The following DPP6 variants were observed in gnomAD, a reference collection of about 807,000 sequenced individuals.
DPP6 encodes A-type potassium channel modulatory protein DPP6.
A neutral mutation model predicts 122.6 loss-of-function variants in DPP6; 69 were observed. The observed-to-expected ratio is 0.56, with a 90% confidence interval of 0.46 to 0.69. DPP6 has a LOEUF of 0.69. Among genes scored for constraint, DPP6 ranks in the 30% least tolerant of loss-of-function variants. The pLI is 0.00. For missense variants in DPP6, 928 were observed against 1,116.9 expected (o/e 0.83, Z 2.41); for synonymous variants, 418 against 433.1 (o/e 0.97, Z 0.43).
intron 16 of DPP6, among the ~76,000 whole-genome samples, chr7:154,851,599 T>C (rs761277396): frequency 1.1e-4 from 17 of 152,220 alleles, no homozygotes; most frequent in Admixed American, 2.0e-4. Context: ...GTGCTGCCTC[T>C]TTGGGTATAA....
At chr7:153,792,902 A>C in the DPP6 span, among the ~76,000 whole-genome samples, 1 of 152,162 alleles carries the variant, frequency 6.6e-6, no homozygotes, top group Admixed American at 6.5e-5. Context: ...TGGGTTTATC[A>C]GGGGTTTCTG....
chr7:153,794,316 C>T, the DPP6 span, among the ~76,000 whole-genome samples: 1 of 152,202 alleles, frequency 6.6e-6, no homozygotes, highest in Admixed American at 6.5e-5. Flanking sequence ...CCACCTCTTG[C>T]ATCAGCGTGA....
At chr7:153,794,148 C>G in the DPP6 span, among the ~76,000 whole-genome samples, 1 of 152,194 alleles carries the variant, frequency 6.6e-6, no homozygotes, top group Non-Finnish European at 1.5e-5. Flanking sequence ...GAGAAGAGGG[C>G]CACTGTCCTC....
chr7:153,834,261 T>G, the DPP6 span, among the ~76,000 whole-genome samples: 1 of 148,626 alleles, frequency 6.7e-6, no homozygotes, highest in Non-Finnish European at 1.5e-5. Flanking sequence ...AACTCCAGCC[T>G]GGGTGACTCC....
At chr7:154,058,849 T>G (rs539014926) in intron 1 of DPP6, 1 of 144,054 alleles carries the variant, frequency 6.9e-6, no homozygotes, top group Non-Finnish European at 1.5e-5. Context: ...CCCTGGCTGT[T>G]AGTACCCCCA....
At chr7:153,886,516 GAAAC>G (rs777562496), upstream of DPP6, among the ~76,000 whole-genome samples, 1 of 152,172 alleles carries the variant, frequency 6.6e-6, no homozygotes, top group African/African-American at 2.4e-5. Flanking sequence ...GCGAGCCAAA[GAAAC>G]AAAGCCGCCG....
At chr7:154,781,033 G>A (rs1379710529) in intron 10 of DPP6, among the ~76,000 whole-genome samples, 1 of 152,098 alleles carries the variant, frequency 6.6e-6, no homozygotes. Context: ...CGGATAGATG[G>A]ATGATGAATA....
At chr7:154,114,213 C>T (rs1418279908) in intron 1 of DPP6, among the ~76,000 whole-genome samples, 1 of 151,822 alleles carries the variant, frequency 6.6e-6, no homozygotes, top group Non-Finnish European at 1.5e-5. Flanking sequence ...CCACCAGGCA[C>T]TCAGCAAACA....
Position 154,143,506 on chromosome 7 carries a change from TAAAC to T in DPP6, c.243+90451_243+90454del, listed in dbSNP as rs556431847. On this transcript the variant is annotated intron_variant, in intron 1 of 25. Coordinates refer to ENST00000377770, the MANE Select transcript of DPP6 (RefSeq NM_130797.4). ...TTCAGGTTATCATGTAAATTACAGGTAAACAAACAAAAGGGAAATACAAAAGTGA... is the reference window on the plus strand; with the variant it reads ...TTCAGGTTATCATGTAAATTACAGGTAAACAAAAGGGAAATACAAAAGTGA... 3.3e-3 allele frequency among the ~76,000 whole-genome samples: 496 copies of T among 151,816 alleles called. 4 individuals carry two copies. The highest frequency in any genetic ancestry group is 0.011 in the African/African-American group (466 of 41,424).
intron 2 of DPP6, among the ~76,000 whole-genome samples, chr7:154,458,665 G>C (rs1821013364): frequency 6.6e-6 from 1 of 152,214 alleles, no homozygotes; most frequent in Non-Finnish European, 1.5e-5. Context: ...AAAATAAAGG[G>C]AGATAAATGG....
At chr7:154,386,212 C>G (rs1427803784) in intron 1 of DPP6, among the ~76,000 whole-genome samples, 1 of 152,132 alleles carries the variant, frequency 6.6e-6, no homozygotes, top group Non-Finnish European at 1.5e-5. Flanking sequence ...TAGGTTTTAT[C>G]TTGTTGCAAC....
intron 5 of DPP6, among the ~76,000 whole-genome samples, chr7:154,634,538 C>T (rs1262423297): frequency 2.0e-5 from 3 of 152,082 alleles, no homozygotes; most frequent in African/African-American, 4.8e-5. Flanking sequence ...ATTCTAGTCC[C>T]CATGCATACA....
At chr7:154,050,173 G>A (rs150175182), upstream of DPP6, among the ~76,000 whole-genome samples, 1,918 of 152,228 alleles carry the variant, frequency 0.013, 31 homozygotes, top group African/African-American at 0.044. Context: ...TTGCTTATGA[G>A]TTTTATGGTG....
chr7:154,631,669 G>GA (rs61353112), intron 5 of DPP6, among the ~76,000 whole-genome samples: 165 of 141,118 alleles, frequency 1.2e-3, no homozygotes, highest in South Asian at 8.5e-3. Context: ...TCTGTCTCAA[G>GA]AAAAAAAAAA....
chr7:153,935,400 C>T (rs4726351), intron 1 of DPP6, among the ~76,000 whole-genome samples: 85,421 of 151,918 alleles, frequency 0.56, 24,403 homozygotes, highest in African/African-American at 0.66. Flanking sequence ...CGTGGCACAT[C>T]CCAGCATTGA....
At chr7:153,964,487 AATGT>A (rs1160611381) in intron 1 of DPP6, among the ~76,000 whole-genome samples, 1 of 152,038 alleles carries the variant, frequency 6.6e-6, no homozygotes, top group African/African-American at 2.4e-5. Flanking sequence ...GCTCCGTGAA[AATGT>A]GTTCCTGGGA....
At chr7:154,044,945 CAT>C (rs1563127617) in intron 1 of DPP6, among the ~76,000 whole-genome samples, 1 of 151,982 alleles carries the variant, frequency 6.6e-6, no homozygotes, top group African/African-American at 2.4e-5. Context: ...TGCCAAATTG[CAT>C]ATGTTCTGGC....
At chr7:154,650,652 T>C (rs1182278763) in intron 6 of DPP6, among the ~76,000 whole-genome samples, 1 of 152,102 alleles carries the variant, frequency 6.6e-6, no homozygotes, top group Non-Finnish European at 1.5e-5. Context: ...GACCCTCAGC[T>C]CAGTCACAGC....
At chr7:154,294,104 C>T (rs750617476) in intron 1 of DPP6, among the ~76,000 whole-genome samples, 2 of 152,196 alleles carry the variant, frequency 1.3e-5, no homozygotes, top group Non-Finnish European at 2.9e-5. Context: ...CTGACTTCAA[C>T]GCTCATTCCT....
Sources: allele counts gnomAD v4.1 joint callset (sites outside exome capture counted in the v4.1 genomes callset), GRCh38; gene constraint gnomAD v4.1.1; transcripts MANE v1.5; gene names NCBI Gene and HGNC (gene_info 2026-07-23, HGNC 2026-07-21).